VPS39: variants seen among roughly 807,000 people sequenced by gnomAD.
VPS39 encodes the protein vam6/Vps39-like protein.
In VPS39, 70 loss-of-function variants were observed where a neutral mutation model predicts 121.0. That is an observed-to-expected ratio of 0.58 (90% CI 0.48 to 0.71). The LOEUF is 0.71. Ranked by LOEUF, VPS39 falls within the 30% of genes least tolerant of loss-of-function variation. The pLI is 0.00. For synonymous variants in VPS39, 378 were observed against 398.1 expected (o/e 0.95, Z 0.60); for missense variants, 818 against 1,051.5 (o/e 0.78, Z 3.07).
chr15:42,164,303 T>C lies in VPS39; in HGVS notation c.2026+55A>G, dbSNP rs778708809. The C allele has an allele frequency of 4.0e-5, 64 of 1,604,558 alleles. No homozygotes were observed. In the Middle Eastern group the frequency reaches 5.0e-4, roughly 13 times the overall value. On this transcript the variant is annotated intron_variant, in intron 19 of 24. Transcript: ENST00000318006. ...TTGGGGAACAATTAAAGGGGTGGAT[T>C]AGTCTTTGCATGACCTTCGCTGAAG... is the stretch of plus-strand genomic sequence containing the variant.
At chr15:42,195,106 G>C (rs971162397) in intron 2 of VPS39, among the ~76,000 whole-genome samples, 1 of 152,074 alleles carries the variant, frequency 6.6e-6, no homozygotes. Context: ...AGTTGTAAAG[G>C]CCTCAGACAT....
At position 42,166,552 on chromosome 15, in the gene VPS39, G is replaced by T; in HGVS notation, c.1606+11C>A. 6.2e-7 allele frequency: 1 copy of T among 1,614,144 alleles called. No homozygotes were observed. The highest frequency in any genetic ancestry group is 8.5e-7 in the Non-Finnish European group (1 of 1,179,996). On this transcript the variant is annotated intron_variant, in intron 15 of 24. Transcript: ENST00000318006. ...GAGCGCTTTCCCACCCCTTTCAAAA[G>T]GCGGACTTACCCAGATGCTGCAGAT...
intron 8 of VPS39, among the ~76,000 whole-genome samples, chr15:42,179,610 TAAATAAATAAATA>T (rs1214357149): frequency 1.7e-5 from 2 of 119,262 alleles, no homozygotes; most frequent in Non-Finnish European, 3.5e-5. Context: ...AATAAATAAA[TAAATAAATAAATA>T]AAATAAAAAA....
In VPS39 at chr15:42,169,752, T is replaced by C; in HGVS notation, c.1205A>G (p.His402Arg). The change falls in exon 12 of 25, where the codon CAC (histidine) becomes CGC (arginine). Residue 402 changes from histidine to arginine, a missense_variant. By Grantham distance (29) the His-to-Arg change is conservative (BLOSUM62 0). Coordinates refer to ENST00000318006, the MANE Select transcript of VPS39 (RefSeq NM_015289.5). ...TGTCAGGTAGTCAATCAGAGCTAAG[T>C]GAGCCTTCTCCAATTCAGCCCCGGA... ...VLSGAELEKA[H>R]LALIDYLTQK... The C allele has an allele frequency of 6.2e-7, 1 of 1,614,076 alleles. No individual in the cohort carries two copies. The highest frequency in any genetic ancestry group is 8.5e-7 in the Non-Finnish European group (1 of 1,180,028).
rs748874734 is a variant in VPS39, at chr15:42,163,405, AG to A, written c.2130-11del. 6.2e-7 allele frequency: 1 copy of A among 1,614,108 alleles called. No homozygotes were observed. Among genetic ancestry groups the A allele is most frequent in the Non-Finnish European group, 8.5e-7 (1 of 1,180,006 alleles). On this transcript the variant is annotated splice_polypyrimidine_tract_variant and intron_variant, in intron 20 of 24. Coordinates refer to ENST00000318006, the MANE Select transcript of VPS39 (RefSeq NM_015289.5). ...GTGTTTGTGGCAGTACCTGCAAGGGAGAGAGTGGTGAGAGCAGGTGGTGTGA... is the reference window on the plus strand; with the variant it reads ...GTGTTTGTGGCAGTACCTGCAAGGGAAGAGTGGTGAGAGCAGGTGGTGTGA...
chr15:42,163,571 T>C (rs986404680), intron 20 of VPS39, 55 bp downstream of exon 20: 81 of 1,558,008 alleles, frequency 5.2e-5, no homozygotes, highest in Non-Finnish European at 6.6e-5. Flanking sequence ...CTCTCATCTC[T>C]CTGCAGGGCC....
intron 16 of VPS39, 75 bp from the exon 17 acceptor site, chr15:42,165,891 G>C: frequency 7.1e-7 from 1 of 1,405,434 alleles, no homozygotes; most frequent in Non-Finnish European, 1.0e-6. Context: ...GCATGTGAGC[G>C]CAGGGATCAA....
rs1326130166 is a variant in VPS39, at chr15:42,160,005, T to G, written c.*749A>C. On this transcript the variant is annotated 3_prime_UTR_variant, in exon 25 of 25. Transcript: ENST00000318006. ...CTTGCCTAGGCAGAGAATGATGCTCTCCGAGGCATCTAGGCATGGAGTGTA... is the reference window on the plus strand; with the variant it reads ...CTTGCCTAGGCAGAGAATGATGCTCGCCGAGGCATCTAGGCATGGAGTGTA... 1 of 152,306 alleles carries G rather than the reference T, an allele frequency of 6.6e-6. No individual in the cohort carries two copies. Among genetic ancestry groups the G allele is most frequent in the Non-Finnish European group, 1.5e-5 (1 of 68,122 alleles). 9.4% of individuals were successfully genotyped at this position (152,306 alleles called of 1,614,324 possible).
rs1356161042 is a variant in VPS39, at chr15:42,181,541, GTATGT to G, written c.718+2971_719-2972del. Among the ~76,000 whole-genome samples, 7 of 152,226 alleles carry G rather than the reference GTATGT, an allele frequency of 4.6e-5. No individual in the cohort carries two copies. In the East Asian group the frequency reaches 1.3e-3, roughly 29 times the overall value. On this transcript the variant is annotated intron_variant, in intron 8 of 24. Coordinates refer to ENST00000318006, the MANE Select transcript of VPS39 (RefSeq NM_015289.5). ...TTAAAAATGGTTCAGGTGGTAAATT[GTATGT>G]TATGTGTTTTTTACATTTAAAAATA...
At chr15:42,166,073 C>A in intron 16 of VPS39, 86 bp downstream of exon 16, 1 of 1,341,924 alleles carries the variant, frequency 7.5e-7, no homozygotes, top group Non-Finnish European at 1.1e-6. Flanking sequence ...ATGCATGAAT[C>A]CACCCTCCTC....
intron 1 of VPS39, among the ~76,000 whole-genome samples, chr15:42,203,047 T>G (rs1308615438): frequency 6.6e-6 from 1 of 151,948 alleles, no homozygotes; most frequent in Non-Finnish European, 1.5e-5. Flanking sequence ...AACTAAGACA[T>G]GACAAAACAT....
chr15:42,161,602 C>T, intron 24 of VPS39, 80 bp downstream of exon 24: 2 of 1,414,450 alleles, frequency 1.4e-6, no homozygotes, highest in Non-Finnish European at 2.0e-6. Context: ...TGTTAAAGGG[C>T]AGAAATCCAT....
Position 42,178,543 on chromosome 15 carries a change from A to G in VPS39, c.746T>C (p.Val249Ala), listed in dbSNP as rs1452326666. 6.2e-7 allele frequency: 1 copy of G among 1,614,178 alleles called. No individual in the cohort carries two copies. The highest frequency in any genetic ancestry group is 2.2e-5 in the East Asian group (1 of 44,876). The change falls in exon 9 of 25, where the codon GTG becomes GCG. Residue 249 changes from valine to alanine, a missense_variant. Coordinates refer to ENST00000318006, the MANE Select transcript of VPS39 (RefSeq NM_015289.5). ...TCGGATCTCAACATATCGAGGCAAC[A>G]CTGCAATGATGTAGGGAGGCTGGTG... ...MEHQPPYIIA[V>A]LPRYVEIRTF...
intron 1 of VPS39, among the ~76,000 whole-genome samples, chr15:42,202,200 C>T (rs1479266706): frequency 6.6e-6 from 1 of 152,202 alleles, no homozygotes; most frequent in African/African-American, 2.4e-5. Context: ...AAAAACAGGT[C>T]AGCACCTACA....
intron 19 of VPS39, 58 bp from the exon 20 acceptor site, chr15:42,163,786 G>A (rs2049188151): frequency 2.3e-6 from 3 of 1,290,356 alleles, no homozygotes; most frequent in Non-Finnish European, 3.3e-6. Context: ...ACAAGGTGGG[G>A]GCTATGCTGT....
At chr15:42,194,190 T>C (rs1237375822) in intron 2 of VPS39, among the ~76,000 whole-genome samples, 1 of 150,460 alleles carries the variant, frequency 6.6e-6, no homozygotes, top group Non-Finnish European at 1.5e-5. Context: ...ACTGGCCAGG[T>C]GTGGTGGTTC....
intron 7 of VPS39, among the ~76,000 whole-genome samples, chr15:42,186,677 A>C (rs1269267823): frequency 6.6e-6 from 1 of 152,258 alleles, no homozygotes. Flanking sequence ...ATTGTATAGC[A>C]TAGTATTTTT....
At chr15:42,171,645 C>A (rs1336883384) in intron 11 of VPS39, among the ~76,000 whole-genome samples, 1 of 152,234 alleles carries the variant, frequency 6.6e-6, no homozygotes, top group Non-Finnish European at 1.5e-5. Context: ...GCATACAATT[C>A]AGTGGCATTA....
At chr15:42,182,081 C>A (rs768528872) in intron 8 of VPS39, among the ~76,000 whole-genome samples, 2 of 152,108 alleles carry the variant, frequency 1.3e-5, no homozygotes, top group African/African-American at 2.4e-5. Flanking sequence ...ATGAATAGTA[C>A]AATAAAATTT....
Sources: allele counts gnomAD v4.1 joint callset (sites outside exome capture counted in the v4.1 genomes callset), GRCh38; gene constraint gnomAD v4.1.1; transcripts MANE v1.5; gene names NCBI Gene and HGNC (gene_info 2026-07-23, HGNC 2026-07-21).